CLNK: variants seen among roughly 807,000 people sequenced by gnomAD.
CLNK encodes cytokine-dependent hematopoietic cell linker.
Under a neutral mutation model 68.6 loss-of-function variants are expected in CLNK, and 74 were observed. The ratio of observed to expected loss-of-function variants is 1.08; its 90% CI spans 0.89 to 1.31. The LOEUF (loss-of-function observed/expected upper bound fraction) is 1.31. Ranked by LOEUF, CLNK falls within the 50% of genes most tolerant of loss-of-function variation. The pLI, the probability that CLNK is intolerant of heterozygous loss-of-function variation, is 0.00. For synonymous variants in CLNK, 198 were observed against 172.2 expected (o/e 1.15, Z -1.17); for missense variants, 553 against 515.3 (o/e 1.07, Z -0.71).
chr4:10,526,610 G>A (rs143387262), intron 13 of CLNK, among the ~76,000 whole-genome samples: 34 of 152,222 alleles, frequency 2.2e-4, no homozygotes, highest in African/African-American at 7.7e-4. Flanking sequence ...TCGTCATGGC[G>A]CTTGTATTCT....
chr4:10,699,268 C>CACACATACACACCACGTATGTGCGTAT, the CLNK span, among the ~76,000 whole-genome samples: 3 of 32,416 alleles, frequency 9.3e-5, no homozygotes, highest in East Asian at 1.6e-3. Context: ...TGTGTATACA[C>CACACATACACACCACGTATGTGCGTAT]ACACACACAC....
In CLNK at chr4:10,565,619, C is replaced by G. The variant is rs995626266; in HGVS notation, c.292+390G>C. 4.2e-4 allele frequency among the ~76,000 whole-genome samples: 64 copies of G among 152,102 alleles called. 1 individual carries two copies. Among genetic ancestry groups the G allele is most frequent in the Admixed American group, 6.5e-5 (1 of 15,278 alleles). The stretch of plus-strand genomic sequence containing the variant: ...ATTCTACTCCCCTCTATGCAGACCT[C>G]ATTTAACATTTCCCATGCTGCTGCA... On this transcript the variant is annotated intron_variant, in intron 6 of 18. Transcript: ENST00000226951.
chr4:10,589,194 A>C (rs1474469234), intron 3 of CLNK, among the ~76,000 whole-genome samples: 1 of 152,244 alleles, frequency 6.6e-6, no homozygotes, highest in East Asian at 1.9e-4. Context: ...GCCGTTAGGC[A>C]TTTCCAGCTC....
chr4:10,565,871 A>C (rs1210917479), intron 6 of CLNK, 138 bp downstream of exon 6: 9 of 855,212 alleles, frequency 1.1e-5, no homozygotes, highest in Non-Finnish European at 1.6e-5. Context: ...AGACTTTCTC[A>C]AGGTCACACA....
At chr4:10,589,327 A>G (rs1007722098) in intron 3 of CLNK, among the ~76,000 whole-genome samples, 2 of 152,188 alleles carry the variant, frequency 1.3e-5, no homozygotes, top group Non-Finnish European at 2.9e-5. Context: ...ACAAGCCTAT[A>G]GCAGCAACGT....
Position 10,626,822 on chromosome 4 carries a change from G to C in CLNK, c.12-28773C>G, listed in dbSNP as rs542410782. Among the ~76,000 whole-genome samples the C allele has an allele frequency of 5.3e-5, 8 of 152,318 alleles. No individual in the cohort carries two copies. In the South Asian group the frequency reaches 1.7e-3, roughly 32 times the overall value. On this transcript the variant is annotated intron_variant, in intron 2 of 18. Transcript: ENST00000226951. ...TGTGTTTTAATGTCTGACATGGAGTGTCATGCCACGTGCTTTATGCTTCAC... is the reference window on the plus strand; with the variant it reads ...TGTGTTTTAATGTCTGACATGGAGTCTCATGCCACGTGCTTTATGCTTCAC...
At chr4:10,592,642 C>A (rs1052687312) in intron 3 of CLNK, among the ~76,000 whole-genome samples, 24 of 152,082 alleles carry the variant, frequency 1.6e-4, no homozygotes, top group Admixed American at 1.5e-3. Flanking sequence ...TGCCTTGATT[C>A]TTCCTTCTTC....
At chr4:10,702,423 G>T in the CLNK span, among the ~76,000 whole-genome samples, 1 of 152,056 alleles carries the variant, frequency 6.6e-6, no homozygotes, top group Non-Finnish European at 1.5e-5. Flanking sequence ...GGAGGAGGAA[G>T]TTAGTCAGTC....
At chr4:10,678,535 A>C (rs1577215790) in intron 1 of CLNK, among the ~76,000 whole-genome samples, 1 of 152,302 alleles carries the variant, frequency 6.6e-6, no homozygotes, top group Admixed American at 6.5e-5. Flanking sequence ...TTGATAGATG[A>C]ATAATAAAAA....
At chr4:10,635,491 G>T (rs4128568) in intron 2 of CLNK, among the ~76,000 whole-genome samples, 6 of 151,930 alleles carry the variant, frequency 3.9e-5, no homozygotes, top group African/African-American at 1.5e-4. Context: ...TATTCTCCCA[G>T]TGATATATAC....
At chr4:10,536,722 C>A (rs1481313388) in intron 11 of CLNK, among the ~76,000 whole-genome samples, 2 of 152,116 alleles carry the variant, frequency 1.3e-5, no homozygotes, top group African/African-American at 4.8e-5. Context: ...AATATAATTA[C>A]TCTCTTGAGG....
chr4:10,519,823 G>A (rs1402462685), intron 15 of CLNK, among the ~76,000 whole-genome samples: 3 of 150,324 alleles, frequency 2.0e-5, no homozygotes, highest in African/African-American at 7.3e-5. Flanking sequence ...GCAGAGGGCT[G>A]TGTGTGTGTG....
chr4:10,659,873 A>G (rs936402700), intron 2 of CLNK, among the ~76,000 whole-genome samples: 1 of 152,074 alleles, frequency 6.6e-6, no homozygotes, highest in East Asian at 1.9e-4. Flanking sequence ...TTTGGCAATC[A>G]TTTTACAATT....
chr4:10,597,378 T>G (rs1721423319), intron 3 of CLNK, among the ~76,000 whole-genome samples: 1 of 151,486 alleles, frequency 6.6e-6, no homozygotes. Flanking sequence ...TGACTTTAGG[T>G]CTTGTCTCTA....
chr4:10,513,590 T>C lies in CLNK; in HGVS notation c.780A>G (p.Arg260=). The C allele has an allele frequency of 6.3e-7, 1 of 1,599,096 alleles. No individual in the cohort carries two copies. Among genetic ancestry groups the C allele is most frequent in the East Asian group, 2.2e-5 (1 of 44,460 alleles). ...SNHSVQNRDH[R]GGMQPCSPQR... ...GAGGAGAACAGGGCTGCATGCCTCC[T>C]CTATGATCTGGAAAGGTTAAATTCA... is the stretch of plus-strand genomic sequence containing the variant. Residue 260 remains arginine, a synonymous_variant, in exon 16 of 19, where the codon AGA becomes AGG. Coordinates refer to ENST00000226951, the MANE Select transcript of CLNK (RefSeq NM_052964.4).
chr4:10,728,917 CATATACCTTTG>C, the CLNK span, among the ~76,000 whole-genome samples: 1 of 152,030 alleles, frequency 6.6e-6, no homozygotes, highest in Non-Finnish European at 1.5e-5. Context: ...ATATTTTTAG[CATATACCTTTG>C]ATATTATTCT....
the CLNK span, among the ~76,000 whole-genome samples, chr4:10,726,821 C>T: frequency 9.2e-5 from 14 of 152,106 alleles, no homozygotes; most frequent in Non-Finnish European, 1.9e-4. Flanking sequence ...GCATCCTTCC[C>T]GTGGGTATGA....
chr4:10,656,331 CAA>C (rs33941894), intron 2 of CLNK, among the ~76,000 whole-genome samples: 14,422 of 89,172 alleles, frequency 0.16, 780 homozygotes, highest in East Asian at 0.26. Context: ...AATGCCTGAC[CAA>C]AAAAAAAAAA....
At chr4:10,524,051 G>T (rs931018065) in intron 14 of CLNK, 3 of 189,226 alleles carry the variant, frequency 1.6e-5, no homozygotes, top group Non-Finnish European at 3.4e-5. Flanking sequence ...AGGAAGGAAG[G>T]AAGAAAAAAC....
Sources: gnomAD v4.1 joint callset for allele counts (sites outside exome capture counted in the v4.1 genomes callset) on GRCh38, gnomAD v4.1.1 for gene constraint, MANE v1.5 for transcripts, NCBI Gene and HGNC (gene_info 2026-07-23, HGNC 2026-07-21) for gene names.